The following RHOU variants were observed in gnomAD, a reference collection of about 807,000 sequenced individuals.
RHOU encodes ras homolog family member U, also known as rho-related GTP-binding protein RhoU.
In RHOU, 8 loss-of-function variants were observed where a neutral mutation model predicts 12.6. The ratio of observed to expected loss-of-function variants is 0.64; its 90% CI spans 0.37 to 1.15. RHOU has a LOEUF of 1.15. Among genes scored for constraint, RHOU ranks in the 50% most tolerant of loss-of-function variants. The pLI is 0.01. For missense variants in RHOU, 258 were observed against 347.0 expected, an observed-to-expected ratio of 0.74 and a Z score of 2.04; for synonymous variants, 161 against 147.4, an observed-to-expected ratio of 1.09 and a Z score of -0.67.
the RHOU span, among the ~76,000 whole-genome samples, chr1:228,673,372 T>A: frequency 2.0e-5 from 3 of 152,238 alleles, no homozygotes; most frequent in African/African-American, 4.8e-5. Context: ...GTAAGTTGGT[T>A]TATTTTCATA....
chr1:228,688,654 C>T, the RHOU span, among the ~76,000 whole-genome samples: 1 of 152,186 alleles, frequency 6.6e-6, no homozygotes, highest in African/African-American at 2.4e-5. Flanking sequence ...TGAGCCTGGC[C>T]ATGGCCAGTT....
chr1:228,648,328 G>C, the RHOU span, among the ~76,000 whole-genome samples: 2 of 152,196 alleles, frequency 1.3e-5, no homozygotes, highest in Non-Finnish European at 2.9e-5. Context: ...CCCTGCCCAA[G>C]CTCTGGGATC....
the RHOU span, among the ~76,000 whole-genome samples, chr1:228,727,462 C>G: frequency 6.6e-6 from 1 of 152,000 alleles, no homozygotes. Flanking sequence ...GGCACATGAC[C>G]CCATGCCCAG....
chr1:228,716,078 C>T, the RHOU span, among the ~76,000 whole-genome samples: 11 of 152,002 alleles, frequency 7.2e-5, no homozygotes, highest in African/African-American at 2.7e-4. Context: ...ACACTCAGCT[C>T]ATTAACAAAA....
the RHOU span, among the ~76,000 whole-genome samples, chr1:228,680,815 T>C: frequency 6.6e-6 from 1 of 152,138 alleles, no homozygotes; most frequent in African/African-American, 2.4e-5. Flanking sequence ...TTGTCATAAT[T>C]AACAGCTTTG....
At chr1:228,707,119 T>C in the RHOU span, among the ~76,000 whole-genome samples, 6 of 90,620 alleles carry the variant, frequency 6.6e-5, no homozygotes, top group African/African-American at 4.0e-4. Flanking sequence ...TATATATATA[T>C]ATATATACAT....
At chr1:228,690,748 G>T in the RHOU span, among the ~76,000 whole-genome samples, 1 of 152,106 alleles carries the variant, frequency 6.6e-6, no homozygotes, top group East Asian at 1.9e-4. Context: ...CTCCCGAGCA[G>T]CTGAGATTAC....
chr1:228,740,471 C>T (rs1662698850), intron 2 of RHOU, among the ~76,000 whole-genome samples: 1 of 126,876 alleles, frequency 7.9e-6, no homozygotes, highest in Non-Finnish European at 1.6e-5. Flanking sequence ...TAAGATAAGT[C>T]AGTTGTTCTG....
the RHOU span, among the ~76,000 whole-genome samples, chr1:228,696,326 T>C: frequency 1.3e-5 from 2 of 151,016 alleles, no homozygotes; most frequent in Non-Finnish European, 3.0e-5. Context: ...TCACACTCAG[T>C]AGAGATTTCC....
At chr1:228,688,511 C>T in the RHOU span, among the ~76,000 whole-genome samples, 1 of 152,088 alleles carries the variant, frequency 6.6e-6, no homozygotes. Flanking sequence ...TTATTTAACC[C>T]CTCCTTCCAT....
the RHOU span, among the ~76,000 whole-genome samples, chr1:228,723,942 T>C: frequency 6.6e-6 from 1 of 152,222 alleles, no homozygotes; most frequent in Non-Finnish European, 1.5e-5. Flanking sequence ...CCTGGAACGC[T>C]GTTTCTTAGA....
the RHOU span, among the ~76,000 whole-genome samples, chr1:228,663,288 C>G: frequency 2.6e-5 from 4 of 152,130 alleles, no homozygotes; most frequent in Admixed American, 2.0e-4. Context: ...ACATCACAAA[C>G]CACAGTGAGG....
Position 228,742,606 on chromosome 1 carries a change from G to C in RHOU, c.322-679G>C, listed in dbSNP as rs532321883. ...AGCCAGAATGAGGATGTATTAACTA[G>C]TGTCTGTAAGTGGCACTGAGCTGCA... is the stretch of plus-strand genomic sequence containing the variant. On this transcript the variant is annotated intron_variant, in intron 2 of 2. Transcript: ENST00000366691. Among the ~76,000 whole-genome samples, 492 of 152,350 alleles carry C rather than the reference G, an allele frequency of 3.2e-3. 3 individuals carry two copies. The highest frequency in any genetic ancestry group is 5.7e-3 in the Non-Finnish European group (391 of 68,024).
In RHOU at chr1:228,737,681, T is replaced by A. The variant is rs756225034; in HGVS notation, c.271T>A (p.Ser91Thr). ...TAFDNFSAVV[S>T]VDGRPVRLQL... ...TTGGTTTTGTTTTTAAGCGGTGGTG[T>A]CTGTGGATGGGCGGCCCGTGAGACT... Residue 91 changes from serine to threonine, a missense_variant, in exon 2 of 3, where the codon TCT (serine) becomes ACT (threonine). Transcript: ENST00000366691. The surrounding 1 kb of genome is among the most constrained non-coding windows in gnomAD (Gnocchi z 4.1). 5.5e-5 allele frequency: 88 copies of A among 1,614,026 alleles called. 1 individual carries two copies. In the Admixed American group the frequency reaches 1.4e-3, roughly 27 times the overall value.
At chr1:228,647,477 G>A in the RHOU span, among the ~76,000 whole-genome samples, 2 of 152,236 alleles carry the variant, frequency 1.3e-5, no homozygotes, top group African/African-American at 4.8e-5. Flanking sequence ...CCTGGTGGTT[G>A]GCGAAGCAAT....
chr1:228,729,450 T>C, the RHOU span, among the ~76,000 whole-genome samples: 4 of 152,230 alleles, frequency 2.6e-5, no homozygotes, highest in Non-Finnish European at 5.9e-5. Flanking sequence ...CAGAAATCCA[T>C]GTGTTCACTC....
chr1:228,707,128 A>ATATATATATATATATATATATATATG, the RHOU span, among the ~76,000 whole-genome samples: 1 of 67,582 alleles, frequency 1.5e-5, no homozygotes, highest in African/African-American at 1.7e-4. Context: ...ATATATATAC[A>ATATATATATATATATATATATATATG]TATATATATA....
At chr1:228,658,928 TA>T in the RHOU span, among the ~76,000 whole-genome samples, 1 of 152,162 alleles carries the variant, frequency 6.6e-6, no homozygotes, top group Non-Finnish European at 1.5e-5. Flanking sequence ...AATTACTGTA[TA>T]AATGCACCCT....
chr1:228,665,115 G>A, the RHOU span, among the ~76,000 whole-genome samples: 1 of 152,214 alleles, frequency 6.6e-6, no homozygotes, highest in East Asian at 1.9e-4. Flanking sequence ...ACTTTTACCT[G>A]GTTCACATAT....
Sources: gnomAD v4.1 joint callset for allele counts (sites outside exome capture counted in the v4.1 genomes callset) on GRCh38, gnomAD v4.1.1 for gene constraint, Gnocchi (gnomAD v3.1) non-coding constraint, MANE v1.5 for transcripts, NCBI Gene and HGNC (gene_info 2026-07-23, HGNC 2026-07-21) for gene names.